The following GRAMD4 variants were observed in gnomAD, a reference collection of about 807,000 sequenced individuals.
The protein encoded by GRAMD4 is GRAM domain-containing protein 4.
A neutral mutation model predicts 83.9 loss-of-function variants in GRAMD4; 25 were observed. The ratio of observed to expected loss-of-function variants is 0.30; its 90% CI spans 0.22 to 0.42. GRAMD4 has a LOEUF of 0.42. Among genes scored for constraint, GRAMD4 ranks in the 10% least tolerant of loss-of-function variants. The pLI is 1.00. For missense variants in GRAMD4, 593 were observed against 788.7 expected (o/e 0.75, Z 2.97); for synonymous variants, 336 against 320.9 (o/e 1.05, Z -0.50).
chr22:46,611,001 G>A (rs569285200), intron 1 of GRAMD4, among the ~76,000 whole-genome samples: 1 of 152,104 alleles, frequency 6.6e-6, no homozygotes, highest in Non-Finnish European at 1.5e-5. Context: ...GATCAAGTGA[G>A]GTCAGCAGTT....
chr22:46,652,120 C>T (rs915019861), intron 3 of GRAMD4, among the ~76,000 whole-genome samples: 7 of 152,182 alleles, frequency 4.6e-5, no homozygotes, highest in African/African-American at 1.4e-4. Context: ...TGAATGTGGC[C>T]TCCCATGGCA....
downstream of GRAMD4, among the ~76,000 whole-genome samples, chr22:46,680,604 A>ATCCATCCGTCCT (rs2082659707): frequency 1.0e-5 from 1 of 96,416 alleles, no homozygotes; most frequent in African/African-American, 3.9e-5. Flanking sequence ...CCACCCACCC[A>ATCCATCCGTCCT]TTCATCCATC....
Position 46,604,085 on chromosome 22 carries a change from T to C in GRAMD4, c.-49-22666T>C, listed in dbSNP as rs73174589. Among the ~76,000 whole-genome samples the C allele has an allele frequency of 6.6e-3, 1,012 of 152,294 alleles. 8 individuals carry two copies. Among genetic ancestry groups the C allele is most frequent in the Non-Finnish European group, 9.5e-3 (649 of 68,018 alleles). ...CCTATTAAAATGCCTCTGATCACAATTGGGTCTGAGTCTGTTTTTGTACCT... is the reference window on the plus strand; with the variant it reads ...CCTATTAAAATGCCTCTGATCACAACTGGGTCTGAGTCTGTTTTTGTACCT... On this transcript the variant is annotated intron_variant, in intron 1 of 1. Transcript: ENST00000431155.
At chr22:46,658,703 G>T (rs904315399) in intron 4 of GRAMD4, among the ~76,000 whole-genome samples, 11 of 152,100 alleles carry the variant, frequency 7.2e-5, no homozygotes, top group Middle Eastern at 3.4e-3. Context: ...CCCCACCCCG[G>T]GGGCCAGCCC....
At chr22:46,635,222 G>GA (rs1380726010) in intron 2 of GRAMD4, among the ~76,000 whole-genome samples, 1 of 142,894 alleles carries the variant, frequency 7.0e-6, no homozygotes, top group Non-Finnish European at 1.5e-5. Flanking sequence ...CCTGTCCTGG[G>GA]GGACCGTGTC....
At chr22:46,629,508 G>A (rs531344189) in intron 2 of GRAMD4, among the ~76,000 whole-genome samples, 2 of 152,226 alleles carry the variant, frequency 1.3e-5, no homozygotes, top group Non-Finnish European at 2.9e-5. Context: ...CCCCCGGGGT[G>A]GGGGGCTGTG....
intron 8 of GRAMD4, 93 bp from the exon 9 acceptor site, chr22:46,665,522 C>T: frequency 5.7e-6 from 4 of 701,226 alleles, no homozygotes; most frequent in Non-Finnish European, 1.0e-5. Flanking sequence ...CTGGTCTCCC[C>T]ACTGGGGCCG....
chr22:46,674,895 C>A, intron 16 of GRAMD4, 145 bp downstream of exon 16: 1 of 673,310 alleles, frequency 1.5e-6, no homozygotes, highest in Non-Finnish European at 2.7e-6. Flanking sequence ...TGCCGGCTGT[C>A]TGGGCTCCCA....
At chr22:46,601,147 G>C (rs1407869771) in intron 1 of GRAMD4, among the ~76,000 whole-genome samples, 1 of 147,708 alleles carries the variant, frequency 6.8e-6, no homozygotes, top group Admixed American at 6.7e-5. Context: ...CTGTCTCAAA[G>C]AAAAAAAAAA....
At chr22:46,596,427 G>C (rs1427269081) in intron 1 of GRAMD4, among the ~76,000 whole-genome samples, 1 of 152,268 alleles carries the variant, frequency 6.6e-6, no homozygotes, top group African/African-American at 2.4e-5. Flanking sequence ...CTGTGGGTGG[G>C]TGCTGGTGCC....
At chr22:46,593,493 C>G (rs1442572447) in intron 1 of GRAMD4, among the ~76,000 whole-genome samples, 1 of 152,192 alleles carries the variant, frequency 6.6e-6, no homozygotes, top group Non-Finnish European at 1.5e-5. Flanking sequence ...CAGGGCCTAC[C>G]GAGAGTCCCA....
chr22:46,644,892 A>G (rs1268818078), intron 3 of GRAMD4, among the ~76,000 whole-genome samples: 1 of 118,712 alleles, frequency 8.4e-6, no homozygotes, highest in Non-Finnish European at 1.7e-5. Context: ...TGCACTGCAC[A>G]TGGCCTTTTT....
intron 1 of GRAMD4, among the ~76,000 whole-genome samples, chr22:46,588,884 G>A (rs12484770): frequency 0.24 from 35,897 of 152,056 alleles, 5,668 homozygotes; most frequent in East Asian, 0.61. Flanking sequence ...TGGGGCCTGG[G>A]GCTGGTGACC....
intron 16 of GRAMD4, 139 bp downstream of exon 16, chr22:46,674,889 G>C: frequency 3.0e-6 from 2 of 676,786 alleles, no homozygotes; most frequent in Non-Finnish European, 2.7e-6. Flanking sequence ...TGCTCTTGCC[G>C]GCTGTCTGGG....
chr22:46,678,585 G>C lies in GRAMD4; in HGVS notation c.*1334G>C. 1 of 985,524 alleles carries C rather than the reference G, an allele frequency of 1.0e-6. No individual in the cohort carries two copies. Among genetic ancestry groups the C allele is most frequent in the Non-Finnish European group, 1.2e-6 (1 of 829,958 alleles). 61.0% of individuals were successfully genotyped at this position (985,524 alleles called of 1,614,324 possible). Reference sequence around the variant, plus strand: ...CTGCGTGTCTGCTGGGGCGGATCCCGCAGCTCCCTCAGCTTGTCCTGAGTC... The same window carrying C: ...CTGCGTGTCTGCTGGGGCGGATCCCCCAGCTCCCTCAGCTTGTCCTGAGTC... On this transcript the variant is annotated 3_prime_UTR_variant, in exon 19 of 19. Coordinates refer to ENST00000406902, the MANE Select transcript of GRAMD4 (RefSeq NM_015124.5).
chr22:46,624,023 C>G (rs866756307), intron 1 of GRAMD4, among the ~76,000 whole-genome samples: 4 of 152,100 alleles, frequency 2.6e-5, no homozygotes, highest in Admixed American at 6.6e-5. Context: ...CTCAAGTGAT[C>G]CACTCACCTC....
intron 3 of GRAMD4, among the ~76,000 whole-genome samples, chr22:46,653,716 C>G (rs556763518): frequency 6.6e-6 from 1 of 152,324 alleles, no homozygotes; most frequent in South Asian, 2.1e-4. Flanking sequence ...AAGTGCCTCT[C>G]TGACCTATGG....
intron 3 of GRAMD4, among the ~76,000 whole-genome samples, chr22:46,656,345 C>A (rs531307612): frequency 6.6e-6 from 1 of 152,224 alleles, no homozygotes; most frequent in Non-Finnish European, 1.5e-5. Context: ...TTTTGGGTAC[C>A]GTGAGCCTGT....
intron 3 of GRAMD4, among the ~76,000 whole-genome samples, chr22:46,640,829 G>A (rs959040373): frequency 4.1e-3 from 13 of 3,142 alleles, no homozygotes; most frequent in African/African-American, 0.015. Flanking sequence ...CCGGCCCCCC[G>A]CCCCCCGCCG....
Sources: allele counts gnomAD v4.1 joint callset (sites outside exome capture counted in the v4.1 genomes callset), GRCh38; gene constraint gnomAD v4.1.1; transcripts MANE v1.5; gene names NCBI Gene and HGNC (gene_info 2026-07-23, HGNC 2026-07-21).